Variants in LRRTM4 observed in about 807,000 individuals in gnomAD.
LRRTM4 encodes the protein leucine-rich repeat transmembrane neuronal protein 4.
LRRTM4 carries 25 observed loss-of-function variants against 47.6 expected under a neutral mutation model. That is an observed-to-expected ratio of 0.53 (90% CI 0.38 to 0.73). LRRTM4 has a LOEUF of 0.73. Among genes scored for constraint, LRRTM4 ranks in the 30% least tolerant of loss-of-function variants. The pLI is 0.00. For synonymous variants in LRRTM4, 311 were observed against 269.5 expected (o/e 1.15, Z -1.51); for missense variants, 638 against 713.4 (o/e 0.89, Z 1.20).
At chr2:77,041,401 C>T (rs1012674192) in intron 3 of LRRTM4, among the ~76,000 whole-genome samples, 1 of 151,426 alleles carries the variant, frequency 6.6e-6, no homozygotes, top group South Asian at 2.1e-4. Flanking sequence ...CCTCCTTCAA[C>T]ATCTTGATTT....
chr2:76,903,450 G>A (rs1164113175), intron 3 of LRRTM4, among the ~76,000 whole-genome samples: 1 of 151,906 alleles, frequency 6.6e-6, no homozygotes, highest in Non-Finnish European at 1.5e-5. Flanking sequence ...GCAGGAGAAA[G>A]GCATGAACTT....
intron 3 of LRRTM4, among the ~76,000 whole-genome samples, chr2:76,806,427 C>CA (rs1423939156): frequency 6.6e-6 from 1 of 151,892 alleles, no homozygotes; most frequent in Non-Finnish European, 1.5e-5. Flanking sequence ...ACTAAAAATA[C>CA]AAAATTAGCA....
rs147119546 is a variant in LRRTM4, at chr2:77,422,467, G to T, written c.1551+95851C>A. 2.6e-5 allele frequency among the ~76,000 whole-genome samples: 4 copies of T among 152,324 alleles called. No individual in the cohort carries two copies. The East Asian group carries it at 7.7e-4, about 29-fold the overall frequency. On this transcript the variant is annotated intron_variant, in intron 3 of 3. Coordinates refer to ENST00000409884, the MANE Select transcript of LRRTM4 (RefSeq NM_001134745.3). ...ATACTTTAAGATACTCTACTGGAAA[G>T]ATGTCACAGTTTTTTCAAGAAGTAA...
intron 3 of LRRTM4, among the ~76,000 whole-genome samples, chr2:77,289,720 A>G (rs2104124391): frequency 6.6e-6 from 1 of 152,210 alleles, no homozygotes; most frequent in East Asian, 1.9e-4. Context: ...ATTCAAGATT[A>G]CATGATAAGA....
intron 3 of LRRTM4, among the ~76,000 whole-genome samples, chr2:77,125,448 C>G (rs1427384022): frequency 1.3e-5 from 2 of 152,136 alleles, no homozygotes; most frequent in Non-Finnish European, 2.9e-5. Context: ...ATTTGATAGA[C>G]CACGCATTGT....
intron 3 of LRRTM4, among the ~76,000 whole-genome samples, chr2:77,464,070 A>T (rs1676886707): frequency 6.6e-6 from 1 of 152,108 alleles, no homozygotes; most frequent in Admixed American, 6.6e-5. Context: ...GGCTTGATGG[A>T]CTAGTAAGAC....
At chr2:76,979,320 C>G (rs1215431013) in intron 3 of LRRTM4, among the ~76,000 whole-genome samples, 1 of 151,724 alleles carries the variant, frequency 6.6e-6, no homozygotes, top group African/African-American at 2.4e-5. Context: ...ATTGTTGAAG[C>G]CTAGGAAAAG....
chr2:77,393,026 C>T (rs1356412185), intron 3 of LRRTM4, among the ~76,000 whole-genome samples: 1 of 151,802 alleles, frequency 6.6e-6, no homozygotes, highest in Non-Finnish European at 1.5e-5. Flanking sequence ...ACTATGCCAC[C>T]AATAAATAAT....
At chr2:76,993,971 C>T (rs1009573941) in intron 3 of LRRTM4, among the ~76,000 whole-genome samples, 3 of 151,808 alleles carry the variant, frequency 2.0e-5, no homozygotes, top group Non-Finnish European at 4.4e-5. Flanking sequence ...ATAGATGCAG[C>T]TAAAGGCCAT....
At chr2:76,907,925 C>A (rs1673906927) in intron 3 of LRRTM4, among the ~76,000 whole-genome samples, 2 of 148,894 alleles carry the variant, frequency 1.3e-5, no homozygotes, top group South Asian at 4.3e-4. Context: ...CAAGGAGGAA[C>A]TGGTACCATT....
chr2:77,462,910 G>A (rs540229698), intron 3 of LRRTM4, among the ~76,000 whole-genome samples: 14 of 151,802 alleles, frequency 9.2e-5, no homozygotes, highest in South Asian at 4.2e-4. Flanking sequence ...TGTGTGTAGC[G>A]GGGGTGGGGG....
chr2:77,366,733 C>T (rs1175583718), intron 3 of LRRTM4, among the ~76,000 whole-genome samples: 1 of 151,808 alleles, frequency 6.6e-6, no homozygotes, highest in South Asian at 2.1e-4. Context: ...GTTTACCTCA[C>T]ACATTTACAA....
At chr2:76,957,966 T>A (rs919442222) in intron 3 of LRRTM4, among the ~76,000 whole-genome samples, 1 of 151,594 alleles carries the variant, frequency 6.6e-6, no homozygotes, top group African/African-American at 2.4e-5. Context: ...ATAATTTTAA[T>A]CAACATAAAG....
intron 3 of LRRTM4, among the ~76,000 whole-genome samples, chr2:76,966,963 T>A (rs1297048836): frequency 6.6e-6 from 1 of 151,494 alleles, no homozygotes; most frequent in Non-Finnish European, 1.5e-5. Context: ...TCGCATATTT[T>A]CTTGTATAAT....
intron 3 of LRRTM4, among the ~76,000 whole-genome samples, chr2:77,129,944 TA>T (rs1671750841): frequency 6.6e-6 from 1 of 152,210 alleles, no homozygotes; most frequent in Non-Finnish European, 1.5e-5. Flanking sequence ...GTGACGTGCC[TA>T]AAAATACGAA....
intron 3 of LRRTM4, among the ~76,000 whole-genome samples, chr2:76,955,078 A>C (rs1177473311): frequency 1.3e-5 from 2 of 151,812 alleles, no homozygotes; most frequent in Non-Finnish European, 2.9e-5. Flanking sequence ...CGAAATCCTA[A>C]AGGGAACTCT....
At chr2:76,964,798 CAATT>C (rs959005472) in intron 3 of LRRTM4, among the ~76,000 whole-genome samples, 8 of 149,500 alleles carry the variant, frequency 5.4e-5, no homozygotes, top group Middle Eastern at 3.4e-3. Flanking sequence ...AAATAAAAAA[CAATT>C]AATAAAGAGA....
rs187647734 is a variant in LRRTM4 at position 76,988,413 on chromosome 2, G to A, written c.1552-239497C>T. Among the ~76,000 whole-genome samples, 23 of 151,852 alleles carry A rather than the reference G, an allele frequency of 1.5e-4. No individual in the cohort carries two copies. The Admixed American group carries it at 1.5e-3, about 10-fold the overall frequency. ...TGATGATGATAATATCCTTGACCCA[G>A]CTGCTAATTCAGAGAAATTTGTTCT... On this transcript the variant is annotated intron_variant, in intron 3 of 3. Transcript: ENST00000409884.
chr2:76,980,163 C>T (rs1360483272), intron 3 of LRRTM4, among the ~76,000 whole-genome samples: 2 of 151,894 alleles, frequency 1.3e-5, no homozygotes, highest in East Asian at 1.9e-4. Flanking sequence ...TTATATAAAG[C>T]CAGTATTCAG....
Sources: gnomAD v4.1 joint callset for allele counts (sites outside exome capture counted in the v4.1 genomes callset) on GRCh38, gnomAD v4.1.1 for gene constraint, MANE v1.5 for transcripts, NCBI Gene and HGNC (gene_info 2026-07-23, HGNC 2026-07-21) for gene names.